Variants in GLIS3 observed in about 807,000 individuals in gnomAD.
GLIS3 encodes zinc finger protein GLIS3.
GLIS3 carries 53 observed loss-of-function variants against 78.6 expected under a neutral mutation model. The observed-to-expected ratio is 0.67, with a 90% CI of 0.54 to 0.85. The LOEUF is 0.85. Ranked by LOEUF, GLIS3 falls within the 40% of genes least tolerant of loss-of-function variation. GLIS3 has a pLI of 0.00. For synonymous variants in GLIS3, 684 were observed against 509.9 expected, an observed-to-expected ratio of 1.34 and a Z score of -4.60; for missense variants, 1,703 against 1,231.1, an observed-to-expected ratio of 1.38 and a Z score of -5.74.
chr9:3,834,058 T>C (rs575103785), intron 9 of GLIS3, among the ~76,000 whole-genome samples: 1 of 152,356 alleles, frequency 6.6e-6, no homozygotes, highest in African/African-American at 2.4e-5. Context: ...CCCACAAAAC[T>C]GAAACGTTTT....
At chr9:4,064,572 T>G (rs1023392220) in intron 4 of GLIS3, among the ~76,000 whole-genome samples, 2 of 152,164 alleles carry the variant, frequency 1.3e-5, no homozygotes, top group African/African-American at 4.8e-5. Context: ...GGCAGTTCAC[T>G]TGAGGTCAGG....
intron 8 of GLIS3, among the ~76,000 whole-genome samples, chr9:3,866,017 T>C (rs1271281836): frequency 6.6e-6 from 1 of 152,158 alleles, no homozygotes; most frequent in Admixed American, 6.5e-5. Context: ...TCCCATGAAG[T>C]GGTCCGAAGC....
intron 2 of GLIS3, among the ~76,000 whole-genome samples, chr9:4,206,541 T>G (rs1371976442): frequency 6.6e-6 from 1 of 152,190 alleles, no homozygotes; most frequent in Non-Finnish European, 1.5e-5. Context: ...AGTGGACATT[T>G]AAATAAACTA....
the GLIS3 span, among the ~76,000 whole-genome samples, chr9:4,460,203 A>C: frequency 2.3e-4 from 35 of 152,258 alleles, no homozygotes; most frequent in Admixed American, 4.6e-4. Context: ...GGCATTCTTG[A>C]AATATAAATG....
the GLIS3 span, among the ~76,000 whole-genome samples, chr9:4,416,452 T>G: frequency 1.3e-5 from 2 of 152,074 alleles, no homozygotes; most frequent in Non-Finnish European, 2.9e-5. Flanking sequence ...TTAGGAATAT[T>G]GACAAGTATC....
chr9:4,290,874 T>C (rs759632279), intron 1 of GLIS3, among the ~76,000 whole-genome samples: 18 of 152,254 alleles, frequency 1.2e-4, no homozygotes, highest in South Asian at 4.1e-4. Flanking sequence ...AGGAAATATA[T>C]TGGATGTGTA....
chr9:4,017,658 GA>G (rs1192947578), intron 4 of GLIS3, among the ~76,000 whole-genome samples: 5 of 152,188 alleles, frequency 3.3e-5, no homozygotes, highest in African/African-American at 1.2e-4. Flanking sequence ...TTTTCAGGAG[GA>G]GAAGAGTCAC....
the GLIS3 span, among the ~76,000 whole-genome samples, chr9:4,446,223 C>T: frequency 6.6e-6 from 1 of 152,168 alleles, no homozygotes; most frequent in South Asian, 2.1e-4. Flanking sequence ...AATAATTAAG[C>T]CATGAGGGCT....
chr9:4,280,240 C>G (rs1358924733), intron 2 of GLIS3, among the ~76,000 whole-genome samples: 1 of 152,226 alleles, frequency 6.6e-6, no homozygotes, highest in African/African-American at 2.4e-5. Flanking sequence ...CCAGACTGGT[C>G]TTGAGCTCCT....
intron 4 of GLIS3, among the ~76,000 whole-genome samples, chr9:3,974,923 G>C (rs1818652228): frequency 6.6e-6 from 1 of 152,084 alleles, no homozygotes; most frequent in African/African-American, 2.4e-5. Flanking sequence ...ACATTAAAAA[G>C]AAAAAGAAAG....
At chr9:4,053,974 G>A (rs1282215102) in intron 4 of GLIS3, among the ~76,000 whole-genome samples, 1 of 152,184 alleles carries the variant, frequency 6.6e-6, no homozygotes, top group Admixed American at 6.5e-5. Context: ...AAGCCTCCAA[G>A]AATTTACTTC....
chr9:4,254,284 C>G (rs1824698858), intron 2 of GLIS3, among the ~76,000 whole-genome samples: 1 of 152,132 alleles, frequency 6.6e-6, no homozygotes, highest in African/African-American at 2.4e-5. Context: ...ATGATATCAA[C>G]AACATCAAAA....
Position 4,067,899 on chromosome 9 carries a change from G to A in GLIS3, c.1710+49869C>T, listed in dbSNP as rs146400097. On this transcript the variant is annotated intron_variant, in intron 4 of 10. Coordinates refer to ENST00000381971, the MANE Select transcript of GLIS3 (RefSeq NM_001042413.2). Reference sequence around the variant, plus strand: ...AAATAGAAATGAAGCAATAACCACCGAGCTGTCAAAGAAAAAGATTATGAT... The same window carrying A: ...AAATAGAAATGAAGCAATAACCACCAAGCTGTCAAAGAAAAAGATTATGAT... Among the ~76,000 whole-genome samples, 6 of 151,826 alleles carry A rather than the reference G, an allele frequency of 4.0e-5. 1 individual carries two copies. Among genetic ancestry groups the A allele is most frequent in the East Asian group, 1.9e-4 (1 of 5,178 alleles).
the GLIS3 span, among the ~76,000 whole-genome samples, chr9:4,481,526 G>T: frequency 6.6e-6 from 1 of 150,520 alleles, no homozygotes; most frequent in African/African-American, 2.5e-5. Context: ...GTGTGTGTGT[G>T]TGTGTGTGTG....
chr9:4,234,301 A>T (rs1448184169), intron 2 of GLIS3, among the ~76,000 whole-genome samples: 1 of 152,188 alleles, frequency 6.6e-6, no homozygotes, highest in Non-Finnish European at 1.5e-5. Flanking sequence ...TTAAAGTGAG[A>T]TATGTGCGAC....
At chr9:4,269,665 A>T (rs1253037628) in intron 2 of GLIS3, among the ~76,000 whole-genome samples, 1 of 152,168 alleles carries the variant, frequency 6.6e-6, no homozygotes, top group African/African-American at 2.4e-5. Flanking sequence ...TTTATTATAA[A>T]TTATATTGCT....
intron 2 of GLIS3, among the ~76,000 whole-genome samples, chr9:4,326,527 G>A: frequency 6.6e-6 from 1 of 151,378 alleles, no homozygotes; most frequent in East Asian, 1.9e-4. Context: ...GTGGAGTAGT[G>A]TTTACCAGGG....
chr9:4,211,539 GC>G (rs1820374952), intron 2 of GLIS3, among the ~76,000 whole-genome samples: 2 of 152,246 alleles, frequency 1.3e-5, no homozygotes, highest in Admixed American at 6.5e-5. Context: ...GTTAAAGTTA[GC>G]CCTGAAGGCT....
At chr9:4,243,291 C>G (rs1028911860) in intron 2 of GLIS3, among the ~76,000 whole-genome samples, 1 of 152,126 alleles carries the variant, frequency 6.6e-6, no homozygotes, top group African/African-American at 2.4e-5. Flanking sequence ...AAGGATCAGT[C>G]AGAGTGATTG....
Sources: allele counts gnomAD v4.1 joint callset (sites outside exome capture counted in the v4.1 genomes callset), GRCh38; gene constraint gnomAD v4.1.1; transcripts MANE v1.5; gene names NCBI Gene and HGNC (gene_info 2026-07-23, HGNC 2026-07-21).